Variants in MYO9A observed in about 807,000 individuals in gnomAD.
MYO9A encodes myosin IXA.
In MYO9A, 103 loss-of-function variants were observed where a neutral mutation model predicts 293.3. The ratio of observed to expected loss-of-function variants is 0.35; its 90% CI spans 0.30 to 0.41. The LOEUF is 0.41. Among genes scored for constraint, MYO9A ranks in the 10% least tolerant of loss-of-function variants. The probability of loss-of-function intolerance (pLI) is 1.00; values close to 1 mark genes in which losing one functional copy is unlikely to be tolerated. For missense variants in MYO9A, 2,685 were observed against 3,033.0 expected (o/e 0.89, Z 2.69); for synonymous variants, 1,001 against 1,035.7 (o/e 0.97, Z 0.64).
intron 1 of MYO9A, among the ~76,000 whole-genome samples, chr15:72,066,764 T>C (rs1320603584): frequency 6.6e-6 from 1 of 151,908 alleles, no homozygotes; most frequent in Non-Finnish European, 1.5e-5. Flanking sequence ...ATTTATGCAC[T>C]TTATTGTATG....
chr15:72,050,813 C>T (rs776917885), intron 1 of MYO9A, among the ~76,000 whole-genome samples: 1 of 152,130 alleles, frequency 6.6e-6, no homozygotes, highest in Non-Finnish European at 1.5e-5. Flanking sequence ...ACATAGCAAG[C>T]TACTTGACAA....
At chr15:71,995,997 C>A (rs1307264270) in intron 9 of MYO9A, among the ~76,000 whole-genome samples, 5 of 152,032 alleles carry the variant, frequency 3.3e-5, no homozygotes, top group Admixed American at 3.3e-4. Context: ...CACTAGAAAC[C>A]TGTATTATTT....
At chr15:71,963,254 T>C (rs73434377) in intron 13 of MYO9A, among the ~76,000 whole-genome samples, 3,366 of 152,094 alleles carry the variant, frequency 0.022, 123 homozygotes, top group African/African-American at 0.078. Context: ...CAGCTAACCA[T>C]TGGTATTCTG....
intron 28 of MYO9A, among the ~76,000 whole-genome samples, chr15:71,880,849 C>T (rs1291839574): frequency 2.0e-5 from 3 of 152,028 alleles, no homozygotes; most frequent in Admixed American, 1.3e-4. Flanking sequence ...CTTTGCAGGA[C>T]GTCAAGTTAG....
intron 12 of MYO9A, among the ~76,000 whole-genome samples, chr15:71,968,527 TA>T (rs1188420248): frequency 3.9e-5 from 6 of 152,188 alleles, no homozygotes; most frequent in Admixed American, 1.3e-4. Context: ...TCATAGGTAC[TA>T]AAAATCCATA....
chr15:71,899,990 T>C lies in MYO9A; in HGVS notation c.3167A>G (p.Tyr1056Cys). 6.2e-7 allele frequency: 1 copy of C among 1,608,660 alleles called. No homozygotes were observed. The highest frequency in any genetic ancestry group is 8.5e-7 in the Non-Finnish European group (1 of 1,175,528). ...ATCTCTGACTTGCTTCTGATTTAGG[T>C]AATTCCTCCAGAATCTCTATGGGGA... The part of the protein sequence containing the change: ...SVIIQRFWRN[Y>C]LNQKQVRDAA... Residue 1056 changes from tyrosine (Y) to cysteine (C), a missense_variant, in exon 24 of 42, where the codon TAC becomes TGC. Coordinates refer to ENST00000356056, the MANE Select transcript of MYO9A (RefSeq NM_006901.4).
chr15:71,957,123 C>A (rs934227515), intron 14 of MYO9A, among the ~76,000 whole-genome samples: 9 of 152,066 alleles, frequency 5.9e-5, no homozygotes, highest in Non-Finnish European at 1.0e-4. Context: ...ATTGGTGGGT[C>A]AAATACAATT....
chr15:71,870,445 T>A (rs1308047161), intron 32 of MYO9A, among the ~76,000 whole-genome samples: 1 of 152,194 alleles, frequency 6.6e-6, no homozygotes, highest in Non-Finnish European at 1.5e-5. Flanking sequence ...GTCATGTGTA[T>A]ATAGGGGTAT....
At chr15:71,844,948 G>T (rs1274102086) in intron 39 of MYO9A, among the ~76,000 whole-genome samples, 2 of 152,202 alleles carry the variant, frequency 1.3e-5, no homozygotes, top group Non-Finnish European at 2.9e-5. Flanking sequence ...GGTTAAATGT[G>T]TGAGGAGGAG....
chr15:71,971,164 A>C (rs2076000450), intron 12 of MYO9A, among the ~76,000 whole-genome samples: 1 of 151,580 alleles, frequency 6.6e-6, no homozygotes, highest in Admixed American at 6.6e-5. Flanking sequence ...CCGTATCAGA[A>C]AAAATTAAAA....
chr15:71,977,073 A>C (rs1052431674), intron 12 of MYO9A, among the ~76,000 whole-genome samples: 2 of 152,240 alleles, frequency 1.3e-5, no homozygotes, highest in African/African-American at 4.8e-5. Flanking sequence ...ATTGTTGAGA[A>C]TACTCTGAAG....
intron 1 of MYO9A, among the ~76,000 whole-genome samples, chr15:72,110,069 G>T (rs371512101): frequency 6.6e-6 from 1 of 151,172 alleles, no homozygotes; most frequent in Non-Finnish European, 1.5e-5. Context: ...TGAAGTGGGA[G>T]GACTGCTTGA....
chr15:71,902,826 T>C (rs2057522993), intron 22 of MYO9A, 115 bp downstream of exon 22: 11 of 836,592 alleles, frequency 1.3e-5, no homozygotes, highest in Admixed American at 3.6e-5. Context: ...GCCTAACCAA[T>C]TGTCTTCTGA....
In MYO9A at chr15:71,825,551, C is replaced by T. The variant is rs1416308478; in HGVS notation, c.*1029G>A. On this transcript the variant is annotated 3_prime_UTR_variant, in exon 42 of 42. Coordinates refer to ENST00000356056, the MANE Select transcript of MYO9A (RefSeq NM_006901.4). ...TTTCTGTAACACTTACTTACTTATT[C>T]ATGCAATATTGTATGTGAATGTTTT... is the stretch of plus-strand genomic sequence containing the variant. The T allele has an allele frequency of 6.6e-6, 1 of 152,130 alleles. No individual in the cohort carries two copies. Among genetic ancestry groups the T allele is most frequent in the African/African-American group, 2.4e-5 (1 of 41,426 alleles). The allele number at this position is 152,130 out of a possible 1,614,324, so 9.4% of individuals were successfully genotyped here.
chr15:71,866,300 C>G (rs2056322199), intron 32 of MYO9A, among the ~76,000 whole-genome samples: 1 of 152,074 alleles, frequency 6.6e-6, no homozygotes, highest in African/African-American at 2.4e-5. Flanking sequence ...TATAAATGAT[C>G]TAGTACAAAA....
At chr15:72,025,772 A>C (rs1187386501) in intron 4 of MYO9A, among the ~76,000 whole-genome samples, 1 of 152,212 alleles carries the variant, frequency 6.6e-6, no homozygotes, top group Non-Finnish European at 1.5e-5. Context: ...CAAGAAAAAG[A>C]GGACTTCAAA....
intron 4 of MYO9A, among the ~76,000 whole-genome samples, chr15:72,026,445 AAC>A (rs957403266): frequency 1.7e-4 from 26 of 151,744 alleles, no homozygotes; most frequent in African/African-American, 6.1e-4. Context: ...ATACATGGAA[AAC>A]AGTTGAAGCA....
intron 32 of MYO9A, among the ~76,000 whole-genome samples, chr15:71,870,036 A>G (rs371031083): frequency 1.3e-5 from 2 of 152,338 alleles, no homozygotes; most frequent in East Asian, 1.9e-4. Flanking sequence ...AAATGGCTGC[A>G]TAAGTAGCTC....
Position 72,012,086 on chromosome 15 carries a change from G to T in MYO9A, c.1156-1639C>A, listed in dbSNP as rs560643890. 2.6e-5 allele frequency among the ~76,000 whole-genome samples: 4 copies of T among 152,222 alleles called. No individual in the cohort carries two copies. The South Asian group carries it at 8.3e-4, about 32-fold the overall frequency. On this transcript the variant is annotated intron_variant, in intron 6 of 41. Coordinates refer to ENST00000356056, the MANE Select transcript of MYO9A (RefSeq NM_006901.4). Reference sequence around the variant, plus strand: ...TTAGGCACTGTAAGCATTAGTTAATGAATATCTAAAGTTTAAAATAAAGTT... The same window carrying T: ...TTAGGCACTGTAAGCATTAGTTAATTAATATCTAAAGTTTAAAATAAAGTT...
Sources: gnomAD v4.1 joint callset for allele counts (sites outside exome capture counted in the v4.1 genomes callset) on GRCh38, gnomAD v4.1.1 for gene constraint, MANE v1.5 for transcripts, NCBI Gene and HGNC (gene_info 2026-07-23, HGNC 2026-07-21) for gene names.